CIMIP6: variants seen among roughly 807,000 people sequenced by gnomAD.
The protein encoded by CIMIP6 is uncharacterized protein C2orf73.
the CIMIP6 span, among the ~76,000 whole-genome samples, chr2:54,340,685 T>G: frequency 6.6e-6 from 1 of 152,366 alleles, no homozygotes; most frequent in Admixed American, 6.5e-5. Flanking sequence ...AAAACTGTTC[T>G]CTATTTCCTT....
At chr2:54,377,723 C>G in the CIMIP6 span, among the ~76,000 whole-genome samples, 1 of 151,782 alleles carries the variant, frequency 6.6e-6, no homozygotes, top group Non-Finnish European at 1.5e-5. Flanking sequence ...TGTCTGTATT[C>G]ACAGCTCCTT....
At chr2:54,377,995 G>A in the CIMIP6 span, among the ~76,000 whole-genome samples, 1 of 152,188 alleles carries the variant, frequency 6.6e-6, no homozygotes, top group Admixed American at 6.5e-5. Flanking sequence ...TAGTACATGT[G>A]AGTGCTTCTC....
At chr2:54,367,900 T>A in the CIMIP6 span, among the ~76,000 whole-genome samples, 1 of 152,182 alleles carries the variant, frequency 6.6e-6, no homozygotes, top group Non-Finnish European at 1.5e-5. Flanking sequence ...TGTAAACTTT[T>A]TGAAGTCTGT....
chr2:54,344,491 G>A, the CIMIP6 span, among the ~76,000 whole-genome samples: 2 of 152,166 alleles, frequency 1.3e-5, no homozygotes, highest in African/African-American at 2.4e-5. Flanking sequence ...CAATCTGCCT[G>A]GCCAAAGCCC....
At chr2:54,332,258 A>G in the CIMIP6 span, among the ~76,000 whole-genome samples, 1,525 of 152,252 alleles carry the variant, frequency 0.01, 28 homozygotes, top group African/African-American at 0.035. Context: ...CCTCCTACAT[A>G]CATACACTCC....
At chr2:54,331,041 A>C in the CIMIP6 span, 546 of 1,610,540 alleles carry the variant, frequency 3.4e-4, 1 homozygote, top group Middle Eastern at 5.0e-4. Flanking sequence ...CCTTTCCAAA[A>C]ACTATTTTCC....
chr2:54,334,463 AAGTTG>A, the CIMIP6 span, among the ~76,000 whole-genome samples: 5 of 152,224 alleles, frequency 3.3e-5, no homozygotes, highest in East Asian at 5.8e-4. Flanking sequence ...ACTTTTAAAG[AAGTTG>A]AGTTAACTAT....
At chr2:54,380,471 G>C in the CIMIP6 span, among the ~76,000 whole-genome samples, 8 of 152,046 alleles carry the variant, frequency 5.3e-5, no homozygotes, top group Non-Finnish European at 7.4e-5. Flanking sequence ...CTTCTCATTT[G>C]CATGTATTCA....
chr2:54,355,400 G>T, the CIMIP6 span, among the ~76,000 whole-genome samples: 1 of 152,122 alleles, frequency 6.6e-6, no homozygotes, highest in Non-Finnish European at 1.5e-5. Context: ...CCAGGGTCAT[G>T]CAAGTGCCTC....
chr2:54,342,810 G>A, the CIMIP6 span, among the ~76,000 whole-genome samples: 8 of 152,048 alleles, frequency 5.3e-5, no homozygotes, highest in East Asian at 1.9e-4. Flanking sequence ...TGATTATACC[G>A]GAAGTTACTT....
At chr2:54,373,072 C>G in the CIMIP6 span, among the ~76,000 whole-genome samples, 1 of 152,126 alleles carries the variant, frequency 6.6e-6, no homozygotes, top group Non-Finnish European at 1.5e-5. Flanking sequence ...AATTCACCTT[C>G]TCACACCCTG....
chr2:54,345,490 G>A, the CIMIP6 span, among the ~76,000 whole-genome samples: 1 of 152,212 alleles, frequency 6.6e-6, no homozygotes, highest in African/African-American at 2.4e-5. Context: ...AGAAAGAGAA[G>A]GAAGGTCAAA....
the CIMIP6 span, among the ~76,000 whole-genome samples, chr2:54,331,926 G>A: frequency 2.0e-5 from 3 of 152,250 alleles, no homozygotes; most frequent in South Asian, 6.2e-4. Flanking sequence ...ACACGTTCCT[G>A]GGAACCAGCC....
At chr2:54,335,144 C>A in the CIMIP6 span, 1 of 761,726 alleles carries the variant, frequency 1.3e-6, no homozygotes, top group Non-Finnish European at 2.0e-6. Flanking sequence ...TATCATAATC[C>A]AATAGTTAAA....
the CIMIP6 span, among the ~76,000 whole-genome samples, chr2:54,370,449 A>G: frequency 1.3e-5 from 2 of 152,164 alleles, no homozygotes; most frequent in Admixed American, 1.3e-4. Flanking sequence ...TACTAAAAAA[A>G]AAAACATGTA....
the CIMIP6 span, among the ~76,000 whole-genome samples, chr2:54,337,007 G>C: frequency 2.0e-5 from 3 of 152,204 alleles, no homozygotes; most frequent in Non-Finnish European, 4.4e-5. Flanking sequence ...GTGTTCAACA[G>C]ATGGGATTCA....
the CIMIP6 span, among the ~76,000 whole-genome samples, chr2:54,372,408 G>T: frequency 6.6e-6 from 1 of 152,206 alleles, no homozygotes; most frequent in Non-Finnish European, 1.5e-5. Flanking sequence ...TCATCGTGGT[G>T]GTTGTAAAAC....
chr2:54,359,450 T>C, the CIMIP6 span, among the ~76,000 whole-genome samples: 1 of 152,108 alleles, frequency 6.6e-6, no homozygotes, highest in Admixed American at 6.5e-5. Context: ...ACTTAAATTA[T>C]TGAAATAATT....
chr2:54,349,773 G>A, the CIMIP6 span, among the ~76,000 whole-genome samples: 1 of 151,966 alleles, frequency 6.6e-6, no homozygotes, highest in African/African-American at 2.4e-5. Flanking sequence ...TAGGTGTAAT[G>A]CCTGAATAAG....
Sources: gnomAD v4.1 joint callset for allele counts (sites outside exome capture counted in the v4.1 genomes callset) on GRCh38, gnomAD v4.1.1 for gene constraint, MANE v1.5 for transcripts, NCBI Gene and HGNC (gene_info 2026-07-23, HGNC 2026-07-21) for gene names.